PIAS2: variants seen among roughly 807,000 people sequenced by gnomAD.
PIAS2 encodes the protein protein inhibitor of activated STAT 2.
A neutral mutation model predicts 69.7 loss-of-function variants in PIAS2; 19 were observed. The observed-to-expected ratio is 0.27, with a 90% CI of 0.19 to 0.40. The LOEUF (loss-of-function observed/expected upper bound fraction) is 0.40. Ranked by LOEUF, PIAS2 falls within the 10% of genes least tolerant of loss-of-function variation. The pLI is 1.00. For synonymous variants in PIAS2, 261 were observed against 263.2 expected (o/e 0.99, Z 0.08); for missense variants, 624 against 757.0 (o/e 0.82, Z 2.06).
At chr18:46,883,690 A>T (rs2052670154) in intron 2 of PIAS2, among the ~76,000 whole-genome samples, 1 of 152,096 alleles carries the variant, frequency 6.6e-6, no homozygotes, top group Admixed American at 6.6e-5. Flanking sequence ...AAATACAAAA[A>T]AATTAGCCAA....
chr18:46,826,993 A>C (rs2144910333), intron 11 of PIAS2: 1 of 152,316 alleles, frequency 6.6e-6, no homozygotes, highest in East Asian at 1.9e-4. Context: ...GAACATGAAG[A>C]AAGTTTTTTG....
chr18:46,885,671 G>A (rs1400453806), intron 2 of PIAS2, among the ~76,000 whole-genome samples: 1 of 151,550 alleles, frequency 6.6e-6, no homozygotes, highest in Non-Finnish European at 1.5e-5. Flanking sequence ...GTGACAGAGC[G>A]AGACTCCGTC....
At chr18:46,859,133 A>G (rs1180265203) in intron 3 of PIAS2, among the ~76,000 whole-genome samples, 2 of 152,174 alleles carry the variant, frequency 1.3e-5, no homozygotes, top group Non-Finnish European at 2.9e-5. Context: ...AATGACATAA[A>G]AGAATCAATG....
intron 9 of PIAS2, 200 bp downstream of exon 9, chr18:46,836,157 T>C (rs2044393015): frequency 8.5e-6 from 4 of 471,812 alleles, no homozygotes; most frequent in Admixed American, 6.5e-5. Context: ...AATCATATTA[T>C]AGAGATAAAA....
intron 1 of PIAS2, among the ~76,000 whole-genome samples, chr18:46,896,812 G>A (rs1414683472): frequency 1.3e-5 from 2 of 152,152 alleles, no homozygotes; most frequent in African/African-American, 4.8e-5. Context: ...AGTCCTCAAT[G>A]CACCCAATAC....
chr18:46,836,002 C>A (rs2044371304), intron 9 of PIAS2, among the ~76,000 whole-genome samples: 1 of 152,228 alleles, frequency 6.6e-6, no homozygotes, highest in Non-Finnish European at 1.5e-5. Context: ...TACCCTATCA[C>A]TTCCTCTGGT....
intron 2 of PIAS2, among the ~76,000 whole-genome samples, chr18:46,881,810 A>G (rs1457793774): frequency 6.6e-6 from 1 of 152,224 alleles, no homozygotes; most frequent in Non-Finnish European, 1.5e-5. Flanking sequence ...AATTAAGAAT[A>G]CACAGACACC....
intron 5 of PIAS2, among the ~76,000 whole-genome samples, chr18:46,847,808 A>G (rs1317133432): frequency 6.6e-6 from 1 of 152,106 alleles, no homozygotes; most frequent in Admixed American, 6.5e-5. Flanking sequence ...TAGCAAGTAT[A>G]CTCATTTCTG....
At chr18:46,872,305 G>T (rs2050483889) in intron 2 of PIAS2, among the ~76,000 whole-genome samples, 1 of 152,212 alleles carries the variant, frequency 6.6e-6, no homozygotes, top group South Asian at 2.1e-4. Flanking sequence ...AGACTTAAAA[G>T]ACACCTTCTA....
In PIAS2 at chr18:46,890,565, T is replaced by C. The variant is rs374723472; in HGVS notation, c.499+15A>G. ...ACTATCTTGTTCAGAAGAAACTGAA[T>C]TCTCAAACACTTACCTAAACTCGTG... On this transcript the variant is annotated intron_variant, in intron 2 of 13. Coordinates refer to ENST00000585916, the MANE Select transcript of PIAS2 (RefSeq NM_004671.5). 1 of 1,512,720 alleles carries C rather than the reference T, an allele frequency of 6.6e-7. No homozygotes were observed. The highest frequency in any genetic ancestry group is 1.4e-5 in the African/African-American group (1 of 72,680). The allele number at this position is 1,512,720 out of a possible 1,614,324, so 93.7% of individuals were successfully genotyped here. A position where few individuals can be genotyped will look rare whatever the true frequency, so the allele number is the denominator to read the frequency against.
chr18:46,917,391 CCCGCTGCCGCCAACG>C lies in PIAS2; in HGVS notation c.-61_-47del. 6.9e-7 allele frequency: 1 copy of C among 1,439,322 alleles called. No homozygotes were observed. Among genetic ancestry groups the C allele is most frequent in the Non-Finnish European group, 9.2e-7 (1 of 1,089,474 alleles). 89.2% of individuals were successfully genotyped at this position (1,439,322 alleles called of 1,614,324 possible). On this transcript the variant is annotated 5_prime_UTR_variant, in exon 1 of 14. An upstream open reading frame in the 5' UTR gains an earlier in-frame stop. Coordinates refer to ENST00000585916, the MANE Select transcript of PIAS2 (RefSeq NM_004671.5). ...CGCCGCCGCTGCCGCCGCACCCACTCCCGCTGCCGCCAACGACGCTGCCGCCACCACGGCCGCCGC... is the reference window on the plus strand; with the variant it reads ...CGCCGCCGCTGCCGCCGCACCCACTCACGCTGCCGCCACCACGGCCGCCGC...
At chr18:46,891,202 T>A in intron 1 of PIAS2, 148 bp from the exon 2 acceptor site, 1 of 693,300 alleles carries the variant, frequency 1.4e-6, no homozygotes, top group Non-Finnish European at 2.6e-6. Flanking sequence ...TTAGAATCAT[T>A]ACCATTCATA....
At chr18:46,860,304 A>G (rs528885611) in intron 3 of PIAS2, among the ~76,000 whole-genome samples, 7 of 152,248 alleles carry the variant, frequency 4.6e-5, no homozygotes, top group Non-Finnish European at 8.8e-5. Context: ...TGGGGAGAGA[A>G]GTAGTTAAAT....
chr18:46,890,641 C>T lies in PIAS2; in HGVS notation c.438G>A (p.Val146=). 9 of 1,614,084 alleles carry T rather than the reference C, an allele frequency of 5.6e-6. No homozygotes were observed. Among genetic ancestry groups the T allele is most frequent in the Non-Finnish European group, 7.6e-6 (9 of 1,179,976 alleles). ...CATAAAAGGGCAGATTTTTTAACTG[C>T]ACATCAGGATGGACAGGAGGAATTG... The part of the protein sequence containing the change: ...SPPIPPVHPD[V]QLKNLPFYDV... The change falls in exon 2 of 14, where the codon GTG becomes GTA. Residue 146 remains valine, a synonymous_variant. Coordinates refer to ENST00000585916, the MANE Select transcript of PIAS2 (RefSeq NM_004671.5).
chr18:46,832,651 G>A (rs139907072), intron 9 of PIAS2, among the ~76,000 whole-genome samples: 2,891 of 152,174 alleles, frequency 0.019, 79 homozygotes, highest in African/African-American at 0.064. Flanking sequence ...AGCACTTTGG[G>A]AGGCTGAGGT....
chr18:46,803,979 C>T lies in PIAS2; in HGVS notation c.*8454G>A, dbSNP rs1568305051. 1 of 152,218 alleles carries T rather than the reference C, an allele frequency of 6.6e-6. No homozygotes were observed. Among genetic ancestry groups the T allele is most frequent in the Non-Finnish European group, 1.5e-5 (1 of 68,068 alleles). 9.4% of individuals were successfully genotyped at this position (152,218 alleles called of 1,614,324 possible). Reference sequence around the variant, plus strand: ...TTTCAACACCTCAGCATCCATCTCCCGTACCACCTACCCTAAACATGCACC... The same window carrying T: ...TTTCAACACCTCAGCATCCATCTCCTGTACCACCTACCCTAAACATGCACC... On this transcript the variant is annotated 3_prime_UTR_variant, in exon 14 of 14. Coordinates refer to ENST00000585916, the MANE Select transcript of PIAS2 (RefSeq NM_004671.5).
chr18:46,816,911 G>T (rs767793041), intron 12 of PIAS2: 3 of 938,968 alleles, frequency 3.2e-6, no homozygotes, highest in Non-Finnish European at 3.8e-6. Context: ...TCAATAAGCA[G>T]ATTTTGTCTT....
Position 46,917,341 on chromosome 18 carries a change from G to A in PIAS2, c.5C>T (p.Ala2Val). 2 of 1,473,554 alleles carry A rather than the reference G, an allele frequency of 1.4e-6. No individual in the cohort carries two copies. Among genetic ancestry groups the A allele is most frequent in the Non-Finnish European group, 1.8e-6 (2 of 1,107,810 alleles). 91.3% of individuals were successfully genotyped at this position (1,473,554 alleles called of 1,614,324 possible). A position where few individuals can be genotyped will look rare whatever the true frequency, so the allele number is the denominator to read the frequency against. M[A>V]DFEELRNMVS... ...GCTTACCCTCAACTCTTCGAAATCC[G>A]CCATTTTATACCACCCGCGGGCGCC... The change falls in exon 1 of 14, where the codon GCG (alanine) becomes GTG (valine). Residue 2 changes from alanine (A) to valine (V), a missense_variant. Ala to Val is a moderately conservative substitution (Grantham distance 64). Around this residue, in one of 3 missense-constraint regions of PIAS2, gnomAD observed 339 missense variants for 408.8 expected, o/e 0.83. Transcript: ENST00000585916.
rs2041078912 is a variant in PIAS2 at position 46,812,576 on chromosome 18, G to A, written c.1723C>T (p.Pro575Ser). ...PPMFLDSLTSPLTASSTSVTT... is the reference protein window; with the variant it reads ...PPMFLDSLTSSLTASSTSVTT... ...ACAGACGTACTGCTTGCTGTTAAGG[G>A]TGAGGTGAGACTATCCAAAAACATA... is the stretch of plus-strand genomic sequence containing the variant. Residue 575 changes from proline (P) to serine (S), a missense_variant, in exon 14 of 14, where the codon CCC becomes TCC. Physicochemically the swap from Pro to Ser is moderately conservative, Grantham distance 74. This residue lies in a region of PIAS2 where 241 missense variants were observed against 257.3 expected (regional missense o/e 0.94). Coordinates refer to ENST00000585916, the MANE Select transcript of PIAS2 (RefSeq NM_004671.5). 5 of 1,613,282 alleles carry A rather than the reference G, an allele frequency of 3.1e-6. No individual in the cohort carries two copies. The highest frequency in any genetic ancestry group is 1.7e-5 in the Admixed American group (1 of 59,976).
Sources: allele counts gnomAD v4.1 joint callset (sites outside exome capture counted in the v4.1 genomes callset), GRCh38; gene constraint gnomAD v4.1.1; regional missense constraint gnomAD v4.1.1; transcripts MANE v1.5; gene names NCBI Gene and HGNC (gene_info 2026-07-23, HGNC 2026-07-21).